The following EXOC1 variants were observed in gnomAD, a reference collection of about 807,000 sequenced individuals.
The protein encoded by EXOC1 is exocyst complex component 1, also known as SEC3-like 1.
A neutral mutation model predicts 107.7 loss-of-function variants in EXOC1; 67 were observed. The ratio of observed to expected loss-of-function variants is 0.62; its 90% CI spans 0.51 to 0.76. The LOEUF is 0.76. Ranked by LOEUF, EXOC1 falls within the 30% of genes least tolerant of loss-of-function variation. EXOC1 has a pLI of 0.00. For missense variants in EXOC1, 833 were observed against 1,055.7 expected, an observed-to-expected ratio of 0.79 and a Z score of 2.92; for synonymous variants, 348 against 353.5, an observed-to-expected ratio of 0.98 and a Z score of 0.17.
intron 9 of EXOC1, among the ~76,000 whole-genome samples, chr4:55,878,953 A>G (rs563987430): frequency 6.6e-6 from 1 of 152,344 alleles, no homozygotes; most frequent in Non-Finnish European, 1.5e-5. Context: ...GTGTTGAGCC[A>G]GGAAGATGGT....
At chr4:55,896,211 G>T (rs1349451159) in intron 15 of EXOC1, among the ~76,000 whole-genome samples, 1 of 152,034 alleles carries the variant, frequency 6.6e-6, no homozygotes, top group Non-Finnish European at 1.5e-5. Context: ...GTGCAGTGGC[G>T]CAATCTTGGC....
intron 15 of EXOC1, among the ~76,000 whole-genome samples, chr4:55,894,294 C>T (rs1724927672): frequency 5.4e-5 from 8 of 148,666 alleles, no homozygotes; most frequent in Admixed American, 4.0e-4. Flanking sequence ...CAGTGCTCTC[C>T]AGCCTGGGTG....
chr4:55,896,852 G>T lies in EXOC1; in HGVS notation c.2089G>T (p.Asp697Tyr). The T allele has an allele frequency of 1.9e-6, 3 of 1,610,312 alleles. No homozygotes were observed. The highest frequency in any genetic ancestry group is 1.3e-5 in the African/African-American group (1 of 74,746). Residue 697 changes from aspartate to tyrosine, a missense_variant, in exon 16 of 19, where the codon GAC becomes TAC. By Grantham distance (160) the Asp-to-Tyr change is radical (BLOSUM62 -3). Coordinates refer to ENST00000381295, the MANE Select transcript of EXOC1 (RefSeq NM_001024924.2). ...SIFKNAERRGDLDKAYTKLIR... is the reference protein window; with the variant it reads ...SIFKNAERRGYLDKAYTKLIR... ...CTTCAAAAATGCTGAGCGTCGTGGA[G>T]ACCTGGATAAAGCATACACCAAACT...
chr4:55,861,837 T>C (rs1197671597), intron 3 of EXOC1, among the ~76,000 whole-genome samples: 1 of 152,234 alleles, frequency 6.6e-6, no homozygotes, highest in Non-Finnish European at 1.5e-5. Flanking sequence ...GTGGATTGCC[T>C]GAGCTCAGGA....
Position 55,868,499 on chromosome 4 carries a change from C to T in EXOC1, c.579C>T (p.Ser193=), listed in dbSNP as rs574805859. ...SNAEAFAEKL[S]RELQVLDGAN... ...CGGAAGCCTTTGCAGAAAAATTGTC[C>T]AGAGAGCTGCAGGTGCTAGATGGGG... is the stretch of plus-strand genomic sequence containing the variant. The change falls in exon 5 of 19, where the codon TCC becomes TCT. Residue 193 remains serine (S), a synonymous_variant. Transcript: ENST00000381295. The T allele has an allele frequency of 5.4e-5, 87 of 1,613,380 alleles. No individual in the cohort carries two copies. In the South Asian group the frequency reaches 9.0e-4, roughly 17 times the overall value.
intron 10 of EXOC1, chr4:55,885,563 G>C (rs1723799222): frequency 6.6e-6 from 1 of 152,134 alleles, no homozygotes; most frequent in Non-Finnish European, 1.5e-5. Flanking sequence ...GAATAGGAGA[G>C]TTATTTGTGA....
intron 16 of EXOC1, among the ~76,000 whole-genome samples, chr4:55,899,385 T>C (rs940193073): frequency 6.6e-6 from 1 of 152,150 alleles, no homozygotes; most frequent in Non-Finnish European, 1.5e-5. Flanking sequence ...AAATTTCATA[T>C]ATTAAAATGG....
chr4:55,890,136 G>A, intron 11 of EXOC1, 87 bp from the exon 12 acceptor site: 1 of 1,311,184 alleles, frequency 7.6e-7, no homozygotes, highest in Non-Finnish European at 1.1e-6. Context: ...GATCAAGCCA[G>A]TAGAAGATAG....
rs372132729 is a variant in EXOC1 at position 55,886,766 on chromosome 4, T to C, written c.1331-2122T>C. ...TCTGAAAATTCTGGGTCACAAATGC[T>C]AGTAAGAATAAATGCTGGTAAGAAT... On this transcript the variant is annotated intron_variant, in intron 10 of 18. Transcript: ENST00000381295. Among the ~76,000 whole-genome samples the C allele has an allele frequency of 3.9e-5, 6 of 152,242 alleles. No individual in the cohort carries two copies. The South Asian group carries it at 1.0e-3, about 26-fold the overall frequency.
intron 16 of EXOC1, 32 bp from the exon 17 acceptor site, chr4:55,899,653 A>G (rs779444437): frequency 2.5e-6 from 4 of 1,572,530 alleles, no homozygotes; most frequent in South Asian, 1.2e-5. Context: ...ATACTCAGAG[A>G]TGTTATTTTA....
At chr4:55,892,760 A>T in intron 14 of EXOC1, 49 bp downstream of exon 14, 1 of 1,574,770 alleles carries the variant, frequency 6.4e-7, no homozygotes, top group Non-Finnish European at 8.7e-7. Flanking sequence ...ATAAACTTTA[A>T]AATGTGGAGT....
At chr4:55,861,270 A>G (rs909771263) in intron 3 of EXOC1, among the ~76,000 whole-genome samples, 2 of 152,212 alleles carry the variant, frequency 1.3e-5, no homozygotes, top group African/African-American at 4.8e-5. Flanking sequence ...CCATAGCACA[A>G]GAGAATACTT....
intron 1 of EXOC1, 74 bp from the exon 2 acceptor site, chr4:55,858,240 A>G: frequency 7.2e-7 from 1 of 1,393,968 alleles, no homozygotes; most frequent in Non-Finnish European, 9.4e-7. Flanking sequence ...AATTATTTTC[A>G]AATCATAAAT....
intron 16 of EXOC1, among the ~76,000 whole-genome samples, chr4:55,898,544 C>T (rs946025097): frequency 1.3e-5 from 2 of 152,084 alleles, no homozygotes; most frequent in African/African-American, 4.8e-5. Flanking sequence ...CAAAAATCAG[C>T]GAATAGAATT....
In EXOC1 at chr4:55,891,331, T is replaced by C; in HGVS notation, c.1556T>C (p.Leu519Pro). The change falls in exon 13 of 19, where the codon CTA becomes CCA. Residue 519 changes from leucine (L) to proline (P), a missense_variant. Physicochemically the swap from Leu to Pro is moderately conservative, Grantham distance 98. Transcript: ENST00000381295. ...TTTCTTCAGATCTTTGAACAGGTAC[T>C]AAGTGAACTGGAGCCCCTATGTCTG... ...TKFDKIFEQVLSELEPLCLAE... is the reference protein window; with the variant it reads ...TKFDKIFEQVPSELEPLCLAE... 1 of 1,613,630 alleles carries C rather than the reference T, an allele frequency of 6.2e-7. No individual in the cohort carries two copies. The highest frequency in any genetic ancestry group is 8.5e-7 in the Non-Finnish European group (1 of 1,179,608).
At chr4:55,893,873 G>C (rs541935001) in intron 15 of EXOC1, 93 bp downstream of exon 15, 3 of 1,032,340 alleles carry the variant, frequency 2.9e-6, no homozygotes, top group South Asian at 1.6e-5. Context: ...CCAGCTTTCT[G>C]TTGGGGAATC....
intron 4 of EXOC1, 40 bp from the exon 5 acceptor site, chr4:55,868,296 C>T: frequency 6.5e-7 from 1 of 1,546,126 alleles, no homozygotes; most frequent in African/African-American, 1.4e-5. Flanking sequence ...GTCTTTTCTA[C>T]TTTTTTGACT....
In EXOC1 at chr4:55,871,954, A is replaced by G; in HGVS notation, c.1070A>G (p.Gln357Arg). The G allele has an allele frequency of 6.2e-7, 1 of 1,612,854 alleles. No homozygotes were observed. ...AGTCACCTCAACAATGTTTTTGTTC[A>G]ACAGGTAATTTTATTTTATTATTAA... ...LASHLNNVFVQQGHDQSSTLA... is the reference protein window; with the variant it reads ...LASHLNNVFVRQGHDQSSTLA... Residue 357 changes from glutamine to arginine, a missense_variant, in exon 8 of 19, where the codon CAA becomes CGA. Physicochemically the swap from Gln to Arg is conservative, Grantham distance 43 (BLOSUM62 1). Transcript: ENST00000381295.
chr4:55,855,033 G>C (rs1012171178), intron 1 of EXOC1, among the ~76,000 whole-genome samples: 1 of 152,182 alleles, frequency 6.6e-6, no homozygotes, highest in African/African-American at 2.4e-5. Flanking sequence ...TGTAATTAGG[G>C]TTTGGATAGG....
Sources: gnomAD v4.1 joint callset for allele counts (sites outside exome capture counted in the v4.1 genomes callset) on GRCh38, gnomAD v4.1.1 for gene constraint, MANE v1.5 for transcripts, NCBI Gene and HGNC (gene_info 2026-07-23, HGNC 2026-07-21) for gene names.